The following CACNA2D3 variants were observed in gnomAD, a reference collection of about 807,000 sequenced individuals.
CACNA2D3 encodes the protein calcium voltage-gated channel auxiliary subunit alpha2delta 3, also known as voltage-dependent calcium channel subunit alpha-2/delta-3.
In CACNA2D3, 60 loss-of-function variants were observed where a neutral mutation model predicts 160.6. The observed-to-expected ratio is 0.37, with a 90% CI of 0.30 to 0.46. The LOEUF (loss-of-function observed/expected upper bound fraction) is 0.46, where lower values mean the gene tolerates loss of function less well. Ranked by LOEUF, CACNA2D3 falls within the 20% of genes least tolerant of loss-of-function variation. The pLI, the probability that CACNA2D3 is intolerant of heterozygous loss-of-function variation, is 1.00. For missense variants in CACNA2D3, 1,205 were observed against 1,365.0 expected (o/e 0.88, Z 1.85); for synonymous variants, 558 against 492.9 (o/e 1.13, Z -1.75).
At chr3:54,448,412 C>T (rs1202183923) in intron 4 of CACNA2D3, among the ~76,000 whole-genome samples, 1 of 152,200 alleles carries the variant, frequency 6.6e-6, no homozygotes. Context: ...GGAATCCAAA[C>T]AATGTCGTCA....
chr3:54,920,930 A>C (rs1392952939), intron 27 of CACNA2D3, among the ~76,000 whole-genome samples: 1 of 152,142 alleles, frequency 6.6e-6, no homozygotes, highest in Non-Finnish European at 1.5e-5. Flanking sequence ...GAGCCAAGGA[A>C]ATACCCAGAC....
At chr3:54,339,110 T>C (rs1413681257) in intron 3 of CACNA2D3, among the ~76,000 whole-genome samples, 1 of 152,234 alleles carries the variant, frequency 6.6e-6, no homozygotes, top group Non-Finnish European at 1.5e-5. Flanking sequence ...TCAGAATTCA[T>C]TGGCAAGGCC....
intron 21 of CACNA2D3, among the ~76,000 whole-genome samples, chr3:54,884,276 G>A (rs560265652): frequency 1.3e-5 from 2 of 152,350 alleles, no homozygotes; most frequent in Admixed American, 1.3e-4. Flanking sequence ...TCAAAGAGCT[G>A]ACATGACATC....
chr3:54,439,376 G>A (rs1175533076), intron 4 of CACNA2D3, among the ~76,000 whole-genome samples: 1 of 151,932 alleles, frequency 6.6e-6, no homozygotes, highest in Admixed American at 6.6e-5. Context: ...CTCAAGGGCA[G>A]CAGAATAATC....
intron 2 of CACNA2D3, among the ~76,000 whole-genome samples, chr3:54,299,212 T>TA (rs10663745): frequency 0.047 from 6,866 of 147,066 alleles, 525 homozygotes; most frequent in African/African-American, 0.16. Context: ...GTTCCATTAT[T>TA]AAAAAAAAAA....
At chr3:54,973,935 A>G (rs1349432455) in intron 29 of CACNA2D3, among the ~76,000 whole-genome samples, 1 of 152,148 alleles carries the variant, frequency 6.6e-6, no homozygotes, top group Non-Finnish European at 1.5e-5. Flanking sequence ...ATGTACAGAG[A>G]TTCAGGCCCC....
chr3:54,643,841 G>A (rs1368699725), intron 11 of CACNA2D3, among the ~76,000 whole-genome samples: 1 of 152,188 alleles, frequency 6.6e-6, no homozygotes, highest in Non-Finnish European at 1.5e-5. Flanking sequence ...TCCAGTATAA[G>A]TAAACATGAG....
At chr3:54,547,672 C>CT (rs55806357) in intron 5 of CACNA2D3, among the ~76,000 whole-genome samples, 11 of 69,308 alleles carry the variant, frequency 1.6e-4, no homozygotes, top group African/African-American at 2.2e-4. Context: ...TCCCCCAACC[C>CT]TTTTTTTTTT....
At chr3:54,949,128 C>T (rs1013814909) in intron 27 of CACNA2D3, among the ~76,000 whole-genome samples, 5 of 152,118 alleles carry the variant, frequency 3.3e-5, no homozygotes, top group Admixed American at 2.0e-4. Context: ...GGAAAGAAAC[C>T]CCCTCTTTCC....
rs183394367 is a variant in CACNA2D3 at position 54,686,597 on chromosome 3, C to T, written c.1167+44356C>T. 4.2e-3 allele frequency among the ~76,000 whole-genome samples: 638 copies of T among 152,192 alleles called. 6 individuals carry two copies. The highest frequency in any genetic ancestry group is 0.015 in the African/African-American group (603 of 41,516). On this transcript the variant is annotated intron_variant, in intron 11 of 37. Coordinates refer to ENST00000474759, the MANE Select transcript of CACNA2D3 (RefSeq NM_018398.3). Reference sequence around the variant, plus strand: ...TGGCTATGTTTCCCAAACTGTGGGCCGAGGTACCCTTTGGTATGCAGCAAA... The same window carrying T: ...TGGCTATGTTTCCCAAACTGTGGGCTGAGGTACCCTTTGGTATGCAGCAAA...
At chr3:54,833,046 C>T (rs1236669963) in intron 14 of CACNA2D3, among the ~76,000 whole-genome samples, 2 of 152,124 alleles carry the variant, frequency 1.3e-5, no homozygotes, top group African/African-American at 4.8e-5. Flanking sequence ...CACATGAGTT[C>T]AAATGCATAT....
intron 4 of CACNA2D3, among the ~76,000 whole-genome samples, chr3:54,393,898 G>A (rs1024044616): frequency 6.6e-6 from 1 of 152,158 alleles, no homozygotes; most frequent in African/African-American, 2.4e-5. Context: ...TGGGGAGTGG[G>A]GTCATCACTG....
chr3:54,889,303 G>A (rs1192730531), intron 24 of CACNA2D3, among the ~76,000 whole-genome samples: 1 of 152,186 alleles, frequency 6.6e-6, no homozygotes, highest in East Asian at 1.9e-4. Context: ...TTTACAAAAA[G>A]ATCTCTCTAT....
chr3:54,266,215 T>C (rs1702514315), intron 2 of CACNA2D3, among the ~76,000 whole-genome samples: 1 of 152,212 alleles, frequency 6.6e-6, no homozygotes, highest in East Asian at 1.9e-4. Flanking sequence ...TGCATGAAAC[T>C]AACATGAGGG....
intron 35 of CACNA2D3, among the ~76,000 whole-genome samples, chr3:55,049,855 T>C (rs1177838488): frequency 6.8e-6 from 1 of 146,432 alleles, no homozygotes; most frequent in Admixed American, 6.7e-5. Flanking sequence ...TACCATTATG[T>C]AATAGCCTTC....
chr3:55,050,472 C>A (rs1054524072), intron 35 of CACNA2D3, among the ~76,000 whole-genome samples: 1 of 151,216 alleles, frequency 6.6e-6, no homozygotes, highest in Non-Finnish European at 1.5e-5. Context: ...CCGAGAGATC[C>A]GCTGTTAGTC....
intron 2 of CACNA2D3, among the ~76,000 whole-genome samples, chr3:54,222,034 G>A (rs1355672279): frequency 6.6e-6 from 1 of 152,092 alleles, no homozygotes; most frequent in African/African-American, 2.4e-5. Flanking sequence ...TTGATCAGTA[G>A]TTGGTTGAAC....
intron 4 of CACNA2D3, among the ~76,000 whole-genome samples, chr3:54,408,455 T>A (rs893348948): frequency 6.6e-6 from 1 of 152,110 alleles, no homozygotes. Context: ...AAAGAACAGT[T>A]TTTTCCCTGA....
intron 31 of CACNA2D3, among the ~76,000 whole-genome samples, chr3:54,996,311 T>C (rs1246651568): frequency 1.3e-5 from 2 of 152,256 alleles, no homozygotes; most frequent in African/African-American, 2.4e-5. Flanking sequence ...CAAAAGAAAT[T>C]TAATATTTTC....
Sources: allele counts gnomAD v4.1 joint callset (sites outside exome capture counted in the v4.1 genomes callset), GRCh38; gene constraint gnomAD v4.1.1; transcripts MANE v1.5; gene names NCBI Gene and HGNC (gene_info 2026-07-23, HGNC 2026-07-21).